The following ELN variants were observed in gnomAD, a reference collection of about 807,000 sequenced individuals.
The protein encoded by ELN is tropoelastin.
Under a neutral mutation model 105.8 loss-of-function variants are expected in ELN, and 65 were observed. The observed-to-expected ratio is 0.61, with a 90% confidence interval of 0.50 to 0.75. The LOEUF (loss-of-function observed/expected upper bound fraction) is 0.75. Ranked by LOEUF, ELN falls within the 30% of genes least tolerant of loss-of-function variation. The probability of loss-of-function intolerance (pLI) is 0.00; values close to 1 mark genes in which losing one functional copy is unlikely to be tolerated. For missense variants in ELN, 882 were observed against 969.4 expected, an observed-to-expected ratio of 0.91 and a Z score of 1.20; for synonymous variants, 368 against 389.2, an observed-to-expected ratio of 0.95 and a Z score of 0.64.
At chr7:74,044,052 C>A (rs1791884371) in intron 9 of ELN, 132 bp downstream of exon 9, 2 of 1,237,878 alleles carry the variant, frequency 1.6e-6, no homozygotes, top group Non-Finnish European at 2.3e-6. Context: ...TTGAGACCAG[C>A]CTGGGCATCA....
At position 74,029,138 on chromosome 7, in the gene ELN, G is replaced by A. The variant is rs56263209; in HGVS notation, c.82+869G>A. On this transcript the variant is annotated intron_variant, in intron 1 of 32. Coordinates refer to ENST00000252034, the MANE Select transcript of ELN (RefSeq NM_000501.4). The stretch of plus-strand genomic sequence containing the variant: ...GACATGTACACATGTAGACATGGGC[G>A]ATCTGGCATCCAGGTGTGACACTGG... Among the ~76,000 whole-genome samples the A allele has an allele frequency of 3.3e-3, 499 of 152,226 alleles. 1 individual carries two copies. Among genetic ancestry groups the A allele is most frequent in the African/African-American group, 0.011 (457 of 41,504 alleles).
intron 18 of ELN, 125 bp downstream of exon 18, chr7:74,053,434 T>C: frequency 2.0e-6 from 3 of 1,522,956 alleles, no homozygotes; most frequent in Non-Finnish European, 2.6e-6. Context: ...GCCCATACCC[T>C]TGACCACGTC....
intron 1 of ELN, among the ~76,000 whole-genome samples, chr7:74,030,482 T>TTC (rs1788423905): frequency 6.7e-6 from 1 of 149,142 alleles, no homozygotes; most frequent in Non-Finnish European, 1.5e-5. Context: ...TTTTTTTTTT[T>TTC]CCTGATTTCA....
At chr7:74,067,828 TGAGACAGGAGAATTGCTTGAACCCAG>T (rs1379643922) in intron 32 of ELN, among the ~76,000 whole-genome samples, 2 of 146,856 alleles carry the variant, frequency 1.4e-5, no homozygotes, top group African/African-American at 5.0e-5. Context: ...CTCTGGAGGC[TGAGACAGGAGAATTGCTTGAACCCAG>T]GAGGCGGAGG....
At chr7:74,053,004 T>C (rs1583871852) in intron 17 of ELN, 159 bp from the exon 18 acceptor site, 1 of 1,046,668 alleles carries the variant, frequency 9.6e-7, no homozygotes, top group Non-Finnish European at 1.4e-6. Context: ...TCTTAGTCTC[T>C]CCACATCTCT....
chr7:74,059,554 C>T lies in ELN; in HGVS notation c.1415-332C>T, dbSNP rs1238897659. On this transcript the variant is annotated intron_variant, in intron 22 of 32. Transcript: ENST00000252034. Reference sequence around the variant, plus strand: ...AAAAAATTAGCCGGGCATGGTGGTGCGCACCTGTAGTCCCAGCTACTCAGG... The same window carrying T: ...AAAAAATTAGCCGGGCATGGTGGTGTGCACCTGTAGTCCCAGCTACTCAGG... 2.5e-5 allele frequency: 11 copies of T among 445,550 alleles called. 1 individual carries two copies. The East Asian group carries it at 4.1e-4, about 17-fold the overall frequency. The allele number at this position is 445,550 out of a possible 1,614,324, so 27.6% of individuals were successfully genotyped here.
intron 31 of ELN, among the ~76,000 whole-genome samples, chr7:74,066,481 C>T (rs1797984418): frequency 6.6e-6 from 1 of 152,138 alleles, no homozygotes; most frequent in Non-Finnish European, 1.5e-5. Flanking sequence ...GCGGGAGAAT[C>T]ACTGGAGCCT....
At chr7:74,051,900 C>T in intron 16 of ELN, 24 bp from the exon 17 acceptor site, 1 of 1,614,132 alleles carries the variant, frequency 6.2e-7, no homozygotes, top group Non-Finnish European at 8.5e-7. Flanking sequence ...GCAAGGACCT[C>T]ACCCTCTGTG....
Position 74,063,215 on chromosome 7 carries a change from G to A in ELN, c.1849G>A (p.Gly617Ser), listed in dbSNP as rs781904032. 2.1e-5 allele frequency: 34 copies of A among 1,607,170 alleles called. 1 individual carries two copies. In the Middle Eastern group the frequency reaches 9.9e-4, roughly 47 times the overall value. The part of the protein sequence containing the change: ...GALGGVGIPG[G>S]VVGAGPAAAA... ...TCTCGGTGGAGTAGGCATCCCAGGC[G>A]GTGTGGTGGGTGAGTTGAAACCCCA... Residue 617 changes from glycine to serine, a missense_variant, in exon 27 of 33, where the codon GGT becomes AGT. Transcript: ENST00000252034. The surrounding 1 kb of genome is among the most constrained non-coding windows in gnomAD (Gnocchi z 4.1).
At chr7:74,035,695 T>G in intron 2 of ELN, 1 of 510,322 alleles carries the variant, frequency 2.0e-6, no homozygotes, top group South Asian at 2.0e-5. Flanking sequence ...CATAGTGAGA[T>G]CCCCCTCTCT....
chr7:74,029,186 T>G (rs1275812663), intron 1 of ELN, among the ~76,000 whole-genome samples: 1 of 151,930 alleles, frequency 6.6e-6, no homozygotes, highest in Non-Finnish European at 1.5e-5. Context: ...CTGTGTGTGT[T>G]ATGGAGTGTG....
chr7:74,058,233 C>CCTCTTTTTCTCCTTCTTTCTTCTTCTTT (rs781795006), intron 22 of ELN, among the ~76,000 whole-genome samples: 1 of 143,612 alleles, frequency 7.0e-6, no homozygotes. Flanking sequence ...TCTTCTTCTT[C>CCTCTTTTTCTCCTTCTTTCTTCTTCTTT]CTCTTTTTCT....
At chr7:74,035,705 T>TACACAC (rs150794102) in intron 2 of ELN, 1 of 450,144 alleles carries the variant, frequency 2.2e-6, no homozygotes, top group South Asian at 2.3e-5. Context: ...TCCCCCTCTC[T>TACACAC]ACACACACAC....
intron 9 of ELN, 120 bp from the exon 10 acceptor site, chr7:74,045,102 G>A (rs1554671216): frequency 1.1e-5 from 12 of 1,109,534 alleles, no homozygotes; most frequent in South Asian, 2.5e-5. Context: ...CCCGTGAGCC[G>A]TGCCTGTCAC....
intron 32 of ELN, 128 bp downstream of exon 32, chr7:74,066,904 C>T: frequency 1.0e-6 from 1 of 978,710 alleles, no homozygotes; most frequent in South Asian, 1.4e-5. Flanking sequence ...AGCCTCAGGT[C>T]ACACGAGGCT....
At chr7:74,041,743 C>T (rs1003186450) in intron 5 of ELN, among the ~76,000 whole-genome samples, 1 of 152,020 alleles carries the variant, frequency 6.6e-6, no homozygotes, top group Non-Finnish European at 1.5e-5. Context: ...CAGAGTCCCA[C>T]TCTGTCACCC....
chr7:74,037,086 G>T (rs1790135818), intron 3 of ELN, among the ~76,000 whole-genome samples: 2 of 151,964 alleles, frequency 1.3e-5, no homozygotes, highest in Non-Finnish European at 2.9e-5. Context: ...CTCTCAAAGT[G>T]CTGGGATTAC....
intron 17 of ELN, chr7:74,052,824 AGAGG>A (rs1170094157): frequency 6.0e-5 from 18 of 297,822 alleles, no homozygotes; most frequent in Middle Eastern, 1.1e-3. Context: ...GAAAAAGAAA[AGAGG>A]GAGGGAGGGA....
rs1794151320 is a variant in ELN, at chr7:74,051,972, C to T, written c.938C>T (p.Ala313Val). 2 of 1,613,590 alleles carry T rather than the reference C, an allele frequency of 1.2e-6. No individual in the cohort carries two copies. Among genetic ancestry groups the T allele is most frequent in the East Asian group, 4.5e-5 (2 of 44,878 alleles). ...GCAGCTGCAGCAGCAGCCGCTAAGG[C>T]AGCCAAGTATGGTGAGTGCCTCCCG... ...AAAAAAAAAK[A>V]AKYGAAAGLV... Residue 313 changes from alanine (A) to valine (V), a missense_variant, in exon 17 of 33, where the codon GCA becomes GTA. Transcript: ENST00000252034.
Sources: allele counts gnomAD v4.1 joint callset (sites outside exome capture counted in the v4.1 genomes callset), GRCh38; gene constraint gnomAD v4.1.1; non-coding constraint Gnocchi (gnomAD v3.1); transcripts MANE v1.5; gene names NCBI Gene and HGNC (gene_info 2026-07-23, HGNC 2026-07-21).